Variants in ROS1 observed in about 807,000 individuals in gnomAD.
ROS1 encodes ROS proto-oncogene 1, receptor tyrosine kinase, also known as proto-oncogene tyrosine-protein kinase ROS.
In ROS1, 263 loss-of-function variants were observed where a neutral mutation model predicts 273.5. The ratio of observed to expected loss-of-function variants is 0.96; its 90% confidence interval spans 0.87 to 1.06. The LOEUF (loss-of-function observed/expected upper bound fraction) is 1.06. Among genes scored for constraint, ROS1 ranks in the 50% least tolerant of loss-of-function variants. ROS1 has a pLI of 0.00. For missense variants in ROS1, 2,833 were observed against 2,751.1 expected (o/e 1.03, Z -0.67); for synonymous variants, 1,008 against 954.1 (o/e 1.06, Z -1.04).
chr6:117,410,258 G>C (rs1774794948), intron 4 of ROS1, among the ~76,000 whole-genome samples: 1 of 152,144 alleles, frequency 6.6e-6, no homozygotes, highest in South Asian at 2.1e-4. Flanking sequence ...ACTGAGCTTA[G>C]CAGTACAATT....
Position 117,356,749 on chromosome 6 carries a change from C to T in ROS1, c.4006G>A (p.Ala1336Thr), listed in dbSNP as rs765109582. 1.2e-6 allele frequency: 2 copies of T among 1,613,974 alleles called. No homozygotes were observed. Among genetic ancestry groups the T allele is most frequent in the African/African-American group, 1.3e-5 (1 of 74,900 alleles). Residue 1336 changes from alanine to threonine, a missense_variant, in exon 26 of 44, where the codon GCT becomes ACT. Transcript: ENST00000368507. The stretch of plus-strand genomic sequence containing the variant: ...TTCTCTAGGTTAGAGGTATCAATAG[C>T]CATTGCTCCACTTAACTCAAATTCA... ...VTEFELSGAM[A>T]IDTSNLEKPL...
Position 117,344,069 on chromosome 6 carries a change from A to G in ROS1, c.4497T>C (p.Tyr1499=), listed in dbSNP as rs760607252. The G allele has an allele frequency of 4.3e-6, 7 of 1,611,906 alleles. No homozygotes were observed. The highest frequency in any genetic ancestry group is 2.2e-5 in the East Asian group (1 of 44,874). Residue 1499 remains tyrosine, a synonymous_variant, in exon 28 of 44, where the codon TAT becomes TAC. Coordinates refer to ENST00000368507, the MANE Select transcript of ROS1 (RefSeq NM_001378902.1). ...NDRKNSSDLK[Y]RILEFQDSIA... ...CTAGTTCCAATCTTACCAGAATTCT[A>G]TATTTCAAGTCAGAGCTGTTTTTCC... is the stretch of plus-strand genomic sequence containing the variant.
chr6:117,330,342 G>C (rs984301987), intron 32 of ROS1, among the ~76,000 whole-genome samples: 7 of 152,228 alleles, frequency 4.6e-5, no homozygotes, highest in East Asian at 1.9e-4. Context: ...GAGCCCCTAG[G>C]GGGAGGGGTG....
chr6:117,329,934 G>A (rs1178651353), intron 32 of ROS1, among the ~76,000 whole-genome samples: 2 of 152,162 alleles, frequency 1.3e-5, no homozygotes, highest in African/African-American at 4.8e-5. Context: ...GCTGGAATCT[G>A]CCTAAGCTTA....
intron 35 of ROS1, among the ~76,000 whole-genome samples, chr6:117,323,619 A>C (rs1288028376): frequency 6.6e-6 from 1 of 152,192 alleles, no homozygotes; most frequent in African/African-American, 2.4e-5. Flanking sequence ...AACAGAAATA[A>C]ACAAGAATGT....
intron 5 of ROS1, among the ~76,000 whole-genome samples, chr6:117,408,009 T>C (rs1400016191): frequency 6.6e-6 from 1 of 152,122 alleles, no homozygotes; most frequent in Non-Finnish European, 1.5e-5. Flanking sequence ...TGGCTAGCCA[T>C]ATGTAGAAAG....
intron 18 of ROS1, among the ~76,000 whole-genome samples, chr6:117,378,766 T>G (rs537054239): frequency 6.6e-6 from 1 of 152,104 alleles, no homozygotes; most frequent in African/African-American, 2.4e-5. Context: ...CACTCCATAA[T>G]GTATACTCTA....
intron 7 of ROS1, among the ~76,000 whole-genome samples, chr6:117,399,227 A>G (rs1403799990): frequency 6.6e-6 from 1 of 152,228 alleles, no homozygotes; most frequent in African/African-American, 2.4e-5. Context: ...TGTTTTCATT[A>G]TTTTGATTTG....
intron 6 of ROS1, 118 bp from the exon 7 acceptor site, chr6:117,403,395 G>T: frequency 9.7e-7 from 1 of 1,035,002 alleles, no homozygotes; most frequent in Non-Finnish European, 1.4e-6. Context: ...GAAATAAGAG[G>T]CCTGGAGCTT....
intron 26 of ROS1, among the ~76,000 whole-genome samples, chr6:117,353,408 G>A (rs1779045653): frequency 6.6e-6 from 1 of 152,146 alleles, no homozygotes; most frequent in South Asian, 2.1e-4. Flanking sequence ...TTGTGGAAAG[G>A]CAAACTGAAG....
intron 41 of ROS1, 107 bp downstream of exon 41, chr6:117,309,974 G>C (rs1775409855): frequency 1.0e-6 from 1 of 963,906 alleles, no homozygotes; most frequent in Non-Finnish European, 1.6e-6. Flanking sequence ...TAATCTCTCT[G>C]GTCTTCTGTT....
chr6:117,347,370 T>C (rs1472484994), intron 27 of ROS1, among the ~76,000 whole-genome samples: 7 of 152,126 alleles, frequency 4.6e-5, no homozygotes, highest in Non-Finnish European at 1.0e-4. Flanking sequence ...CACTTGTCCA[T>C]TGCTGGTATA....
At chr6:117,311,248 T>A in intron 39 of ROS1, 131 bp from the exon 40 acceptor site, 1 of 470,670 alleles carries the variant, frequency 2.1e-6, no homozygotes, top group South Asian at 4.2e-5. Flanking sequence ...AAGGGATTTT[T>A]AGTTATGATT....
chr6:117,395,520 G>C (rs7745302), intron 9 of ROS1, among the ~76,000 whole-genome samples: 18,456 of 152,042 alleles, frequency 0.12, 1,438 homozygotes, highest in Middle Eastern at 0.23. Flanking sequence ...TAGAAAACAG[G>C]CTCCCAGAAT....
At chr6:117,412,264 TAAG>T (rs1774973103) in intron 4 of ROS1, among the ~76,000 whole-genome samples, 1 of 152,082 alleles carries the variant, frequency 6.6e-6, no homozygotes, top group African/African-American at 2.4e-5. Context: ...TTGGCTATAA[TAAG>T]ATCTATTTTG....
chr6:117,337,149 G>A (rs2128616522), intron 32 of ROS1, 23 bp downstream of exon 32: 3 of 1,579,090 alleles, frequency 1.9e-6, no homozygotes, highest in Non-Finnish European at 2.6e-6. Context: ...AGTTTTCTGA[G>A]TATTGAGTAT....
At chr6:117,344,330 A>G in intron 27 of ROS1, 68 bp from the exon 28 acceptor site, 1 of 1,086,170 alleles carries the variant, frequency 9.2e-7, no homozygotes, top group Non-Finnish European at 1.3e-6. Context: ...GCAGATTTTT[A>G]ACAAGAATAA....
intron 1 of ROS1, among the ~76,000 whole-genome samples, chr6:117,421,592 A>T (rs1390230377): frequency 6.6e-6 from 1 of 152,144 alleles, no homozygotes; most frequent in Admixed American, 6.6e-5. Context: ...CAAAGACATT[A>T]TTTCATTCCT....
chr6:117,421,941 C>A (rs185688913), intron 1 of ROS1, among the ~76,000 whole-genome samples: 3 of 152,188 alleles, frequency 2.0e-5, no homozygotes, highest in African/African-American at 7.2e-5. Context: ...GAAACAGTCA[C>A]CCCAATTTCT....
Sources: allele counts gnomAD v4.1 joint callset (sites outside exome capture counted in the v4.1 genomes callset), GRCh38; gene constraint gnomAD v4.1.1; transcripts MANE v1.5; gene names NCBI Gene and HGNC (gene_info 2026-07-23, HGNC 2026-07-21).